Variants in FSTL4 observed in about 807,000 individuals in gnomAD.
FSTL4 encodes follistatin-related protein 4.
FSTL4 carries 28 observed loss-of-function variants against 78.2 expected under a neutral mutation model. The ratio of observed to expected loss-of-function variants is 0.36; its 90% CI spans 0.27 to 0.49. The LOEUF (loss-of-function observed/expected upper bound fraction) is 0.49, where lower values mean the gene tolerates loss of function less well. Among genes scored for constraint, FSTL4 ranks in the 20% least tolerant of loss-of-function variants. FSTL4 has a pLI of 0.98. For missense variants in FSTL4, 922 were observed against 1,084.9 expected, an observed-to-expected ratio of 0.85 and a Z score of 2.11; for synonymous variants, 422 against 440.5, an observed-to-expected ratio of 0.96 and a Z score of 0.53.
intron 8 of FSTL4, among the ~76,000 whole-genome samples, chr5:133,232,153 G>C (rs1751512368): frequency 1.3e-5 from 2 of 152,206 alleles, no homozygotes; most frequent in African/African-American, 4.8e-5. Context: ...TTTACCCAAA[G>C]TTATAAATCA....
intron 7 of FSTL4, among the ~76,000 whole-genome samples, chr5:133,235,700 A>G (rs1219768203): frequency 1.3e-5 from 2 of 151,992 alleles, no homozygotes; most frequent in African/African-American, 4.8e-5. Context: ...GGAAACCCTG[A>G]GAGTTTGTTG....
At chr5:133,535,187 G>A (rs768677782) in intron 3 of FSTL4, among the ~76,000 whole-genome samples, 15 of 152,190 alleles carry the variant, frequency 9.9e-5, no homozygotes, top group Non-Finnish European at 2.1e-4. Context: ...CAGAAATCAA[G>A]CTGGTCAGCA....
At chr5:133,583,084 A>G (rs1358114570) in intron 2 of FSTL4, among the ~76,000 whole-genome samples, 1 of 152,234 alleles carries the variant, frequency 6.6e-6, no homozygotes, top group African/African-American at 2.4e-5. Flanking sequence ...CAGCAGAAGT[A>G]CATGAGCTTG....
intron 4 of FSTL4, among the ~76,000 whole-genome samples, chr5:133,346,516 T>A (rs1282388247): frequency 2.6e-5 from 4 of 152,264 alleles, no homozygotes; most frequent in African/African-American, 9.6e-5. Flanking sequence ...CCTTTGTTGA[T>A]AACTTGTCTT....
At position 133,204,008 on chromosome 5, in the gene FSTL4, G is replaced by A. The variant is rs529874911; in HGVS notation, c.1717-1966C>T. 3.3e-4 allele frequency among the ~76,000 whole-genome samples: 51 copies of A among 152,320 alleles called. 1 individual carries two copies. In the South Asian group the frequency reaches 8.3e-3, roughly 25 times the overall value. On this transcript the variant is annotated intron_variant, in intron 14 of 15. Coordinates refer to ENST00000265342, the MANE Select transcript of FSTL4 (RefSeq NM_015082.2). Reference sequence around the variant, plus strand: ...TGTCAAGCCCCTCACATTTGCTGCCGTATGGGCTTGGTACAGGAGATGCAT... The same window carrying A: ...TGTCAAGCCCCTCACATTTGCTGCCATATGGGCTTGGTACAGGAGATGCAT...
At chr5:133,467,843 T>G (rs1034547282) in intron 3 of FSTL4, among the ~76,000 whole-genome samples, 2 of 152,220 alleles carry the variant, frequency 1.3e-5, no homozygotes, top group Non-Finnish European at 2.9e-5. Context: ...TAAACACTCC[T>G]AAAATGTTTC....
intron 3 of FSTL4, among the ~76,000 whole-genome samples, chr5:133,476,908 C>T (rs1757936652): frequency 6.6e-6 from 1 of 152,176 alleles, no homozygotes; most frequent in Admixed American, 6.5e-5. Flanking sequence ...CAGAATGAAT[C>T]TAACTGACCC....
chr5:133,790,512 C>A, the FSTL4 span, among the ~76,000 whole-genome samples: 1 of 152,174 alleles, frequency 6.6e-6, no homozygotes, highest in Admixed American at 6.5e-5. Flanking sequence ...GCCCCTCTTA[C>A]GGTTTTAACA....
intron 10 of FSTL4, among the ~76,000 whole-genome samples, chr5:133,224,757 G>T (rs1037097144): frequency 6.6e-6 from 1 of 152,184 alleles, no homozygotes; most frequent in Non-Finnish European, 1.5e-5. Context: ...TAGTGTAAAG[G>T]CTACCACACT....
the FSTL4 span, among the ~76,000 whole-genome samples, chr5:133,819,602 C>T: frequency 6.6e-6 from 1 of 152,178 alleles, no homozygotes; most frequent in Admixed American, 6.5e-5. Flanking sequence ...GAGGCGCAGG[C>T]AGGTTTAGGT....
intron 3 of FSTL4, among the ~76,000 whole-genome samples, chr5:133,449,339 T>C (rs1242208620): frequency 6.6e-6 from 1 of 152,152 alleles, no homozygotes; most frequent in Non-Finnish European, 1.5e-5. Context: ...AACCCCATCA[T>C]GTGGAGTTCC....
intron 3 of FSTL4, among the ~76,000 whole-genome samples, chr5:133,436,843 G>A (rs1420149724): frequency 1.3e-5 from 2 of 152,174 alleles, no homozygotes; most frequent in Admixed American, 6.5e-5. Context: ...GATTCCAGGG[G>A]AGCAAGAAAG....
chr5:133,651,832 C>T, the FSTL4 span, among the ~76,000 whole-genome samples: 1 of 152,188 alleles, frequency 6.6e-6, no homozygotes, highest in Non-Finnish European at 1.5e-5. Context: ...CTGTTTCTAT[C>T]TTCTGAAAGA....
chr5:133,557,352 G>GGGA (rs1759811676), intron 3 of FSTL4, among the ~76,000 whole-genome samples: 1 of 152,230 alleles, frequency 6.6e-6, no homozygotes, highest in South Asian at 2.1e-4. Context: ...GGGGTGGAGA[G>GGGA]TGAGAGACAC....
At chr5:133,517,396 C>T (rs566611801) in intron 3 of FSTL4, among the ~76,000 whole-genome samples, 198 of 109,230 alleles carry the variant, frequency 1.8e-3, no homozygotes, top group African/African-American at 7.3e-3. Context: ...GCATTCCAGC[C>T]TGGGCGACAG....
chr5:133,840,779 T>G, the FSTL4 span, among the ~76,000 whole-genome samples: 2 of 152,188 alleles, frequency 1.3e-5, no homozygotes, highest in Non-Finnish European at 2.9e-5. Flanking sequence ...AACTGAAGTA[T>G]AAGAGGAGAT....
At chr5:133,602,644 C>T (rs1384421424) in intron 2 of FSTL4, among the ~76,000 whole-genome samples, 1 of 152,198 alleles carries the variant, frequency 6.6e-6, no homozygotes, top group Non-Finnish European at 1.5e-5. Context: ...TTCTCACCAG[C>T]AAGCCAGCCT....
chr5:133,814,757 T>C, the FSTL4 span, among the ~76,000 whole-genome samples: 1 of 152,230 alleles, frequency 6.6e-6, no homozygotes, highest in Non-Finnish European at 1.5e-5. Context: ...GTCAGTGTCA[T>C]TTTGAAACAA....
chr5:133,394,367 CGGGAACTG>C (rs1755942105), intron 4 of FSTL4, among the ~76,000 whole-genome samples: 1 of 152,168 alleles, frequency 6.6e-6, no homozygotes, highest in Non-Finnish European at 1.5e-5. Flanking sequence ...GAGGCACCGG[CGGGAACTG>C]GGGCTGCGTG....
Sources: gnomAD v4.1 joint callset for allele counts (sites outside exome capture counted in the v4.1 genomes callset) on GRCh38, gnomAD v4.1.1 for gene constraint, MANE v1.5 for transcripts, NCBI Gene and HGNC (gene_info 2026-07-23, HGNC 2026-07-21) for gene names.